TNIK: variants seen among roughly 807,000 people sequenced by gnomAD.
TNIK encodes TRAF2 and NCK-interacting protein kinase.
A neutral mutation model predicts 191.3 loss-of-function variants in TNIK; 49 were observed. The observed-to-expected ratio is 0.26, with a 90% confidence interval of 0.20 to 0.32. The LOEUF is 0.32. Among genes scored for constraint, TNIK ranks in the 10% least tolerant of loss-of-function variants. The probability of loss-of-function intolerance (pLI) is 1.00; values close to 1 mark genes in which losing one functional copy is unlikely to be tolerated. For missense variants in TNIK, 1,155 were observed against 1,702.3 expected (o/e 0.68, Z 5.66); for synonymous variants, 594 against 600.9 (o/e 0.99, Z 0.17).
rs760162194 is a variant in TNIK, at chr3:171,085,155, A to C, written c.2961T>G (p.Thr987=). 3.3e-5 allele frequency: 53 copies of C among 1,611,758 alleles called. No homozygotes were observed. The East Asian group carries it at 1.2e-3, about 35-fold the overall frequency. Residue 987 remains threonine, a synonymous_variant, in exon 25 of 33, where the codon ACT becomes ACG. Transcript: ENST00000436636. ...ATTCCTCATCCTCTTCATCTTCATC[A>C]GTGGGAGACGTCTGGTATACTCTGG... ...VDPRVYQTSP[T]DEDEEDEESS...
intron 2 of TNIK, among the ~76,000 whole-genome samples, chr3:171,368,621 C>T (rs1003117447): frequency 3.0e-4 from 45 of 152,064 alleles, no homozygotes; most frequent in Non-Finnish European, 5.3e-4. Context: ...AATGTGTATC[C>T]ACTTAGAATC....
At chr3:171,326,054 A>G (rs1460904549) in intron 2 of TNIK, among the ~76,000 whole-genome samples, 1 of 152,166 alleles carries the variant, frequency 6.6e-6, no homozygotes, top group Non-Finnish European at 1.5e-5. Context: ...CTAAGACAGC[A>G]TGTTATGTGG....
At chr3:171,219,310 A>C (rs932898231) in intron 3 of TNIK, among the ~76,000 whole-genome samples, 5 of 145,444 alleles carry the variant, frequency 3.4e-5, no homozygotes, top group African/African-American at 1.3e-4. Context: ...TTATATATAT[A>C]ATGATGTGTA....
intron 12 of TNIK, among the ~76,000 whole-genome samples, chr3:171,141,014 T>TA (rs1388722811): frequency 1.3e-5 from 2 of 152,240 alleles, no homozygotes; most frequent in Non-Finnish European, 2.9e-5. Context: ...GACTCCCACC[T>TA]AGTCTGCTAC....
At chr3:171,450,659 A>T (rs9827645) in intron 1 of TNIK, among the ~76,000 whole-genome samples, 19,622 of 152,246 alleles carry the variant, frequency 0.13, 1,932 homozygotes, top group African/African-American at 0.28. Context: ...TTTAGCCTTA[A>T]CATGGTTTTA....
Position 171,322,840 on chromosome 3 carries a change from T to G in TNIK, c.123+46780A>C, listed in dbSNP as rs1185666063. Among the ~76,000 whole-genome samples, 5 of 6,446 alleles carry G rather than the reference T, an allele frequency of 7.8e-4. No individual in the cohort carries two copies. The African/African-American group carries it at 7.8e-3, about 10-fold the overall frequency. The allele number at this position is 6,446 out of a possible 152,430, so 4.2% of individuals were successfully genotyped here. ...TTGTTATTATTGTTGTTTTCTTTTCTTTTTTTTTTTTTTTTTAAGTGCAAG... is the reference window on the plus strand; with the variant it reads ...TTGTTATTATTGTTGTTTTCTTTTCGTTTTTTTTTTTTTTTTAAGTGCAAG... On this transcript the variant is annotated intron_variant, in intron 2 of 32. Transcript: ENST00000436636.
chr3:171,093,841 C>G lies in TNIK; in HGVS notation c.2719G>C (p.Glu907Gln). Reference protein sequence around the residue: ...ISREGTLMIRETSGEKKRSGH... With the variant: ...ISREGTLMIRQTSGEKKRSGH... ...ACACAGTTTTTATACCAACTTACCT[C>G]TCTAATCATCAAGGTTCCTTCTCTT... is the stretch of plus-strand genomic sequence containing the variant. Residue 907 changes from glutamate to glutamine, a missense_variant and splice_region_variant, in exon 23 of 33, where the codon GAG becomes CAG. Physicochemically the swap from Glu to Gln is conservative, Grantham distance 29 (BLOSUM62 2). Transcript: ENST00000436636. The G allele has an allele frequency of 6.2e-7, 1 of 1,613,572 alleles. No homozygotes were observed. The highest frequency in any genetic ancestry group is 1.1e-5 in the South Asian group (1 of 91,042).
At chr3:171,111,691 T>C (rs1426034678) in intron 18 of TNIK, among the ~76,000 whole-genome samples, 1 of 152,188 alleles carries the variant, frequency 6.6e-6, no homozygotes, top group Non-Finnish European at 1.5e-5. Flanking sequence ...AATCAGTACA[T>C]TGAAGAGGTA....
At chr3:171,217,626 A>G (rs972017016) in intron 3 of TNIK, among the ~76,000 whole-genome samples, 2 of 152,326 alleles carry the variant, frequency 1.3e-5, no homozygotes, top group Non-Finnish European at 2.9e-5. Flanking sequence ...GTAAATGTCA[A>G]TAATATAATC....
At chr3:171,298,679 G>C (rs1040057827) in intron 2 of TNIK, among the ~76,000 whole-genome samples, 1 of 151,574 alleles carries the variant, frequency 6.6e-6, no homozygotes, top group African/African-American at 2.4e-5. Context: ...CTGAATGACT[G>C]TGTGGAATAC....
chr3:171,425,304 G>A (rs531653911), intron 1 of TNIK, among the ~76,000 whole-genome samples: 56 of 152,168 alleles, frequency 3.7e-4, no homozygotes, highest in Admixed American at 7.2e-4. Flanking sequence ...AGTAACATTA[G>A]TTCACAGCAA....
At chr3:171,175,534 T>G (rs1160096439) in intron 8 of TNIK, among the ~76,000 whole-genome samples, 6 of 152,176 alleles carry the variant, frequency 3.9e-5, no homozygotes, top group Non-Finnish European at 8.8e-5. Flanking sequence ...TACAACATGG[T>G]TCACATAGCT....
chr3:171,404,251 C>T (rs1255140003), intron 1 of TNIK, among the ~76,000 whole-genome samples: 3 of 152,140 alleles, frequency 2.0e-5, no homozygotes, highest in Non-Finnish European at 2.9e-5. Flanking sequence ...AGCCACTGTC[C>T]ACCAAATGTC....
chr3:171,123,404 T>C (rs191024931), intron 18 of TNIK, among the ~76,000 whole-genome samples, 192 bp downstream of exon 18: 1 of 152,378 alleles, frequency 6.6e-6, no homozygotes, highest in East Asian at 1.9e-4. Flanking sequence ...AGCCCCCCAC[T>C]GAATACTGAT....
rs975212413 is a variant in TNIK at position 171,333,418 on chromosome 3, G to A, written c.123+36202C>T. On this transcript the variant is annotated intron_variant, in intron 2 of 32. Coordinates refer to ENST00000436636, the MANE Select transcript of TNIK (RefSeq NM_015028.4). ...TAAAAAGTACAAAAATTAGCCGGAC[G>A]TGGTGGCAGCCACCTGTAATCCCAG... 2.6e-5 allele frequency among the ~76,000 whole-genome samples: 4 copies of A among 151,836 alleles called. No individual in the cohort carries two copies. The East Asian group carries it at 7.8e-4, about 29-fold the overall frequency.
At chr3:171,302,299 G>A (rs1752970643) in intron 2 of TNIK, among the ~76,000 whole-genome samples, 1 of 151,928 alleles carries the variant, frequency 6.6e-6, no homozygotes, top group Non-Finnish European at 1.5e-5. Flanking sequence ...AGTTTGGAAT[G>A]GATCAAGACA....
At chr3:171,298,859 A>G (rs1752596331) in intron 2 of TNIK, among the ~76,000 whole-genome samples, 1 of 152,226 alleles carries the variant, frequency 6.6e-6, no homozygotes, top group Admixed American at 6.5e-5. Context: ...CAGCTTCACA[A>G]AACTCTGGAT....
intron 2 of TNIK, among the ~76,000 whole-genome samples, chr3:171,245,122 G>A (rs1180400798): frequency 2.6e-5 from 4 of 152,160 alleles, no homozygotes; most frequent in East Asian, 1.9e-4. Flanking sequence ...TAGTTCAGAC[G>A]TGTTGTACTT....
At chr3:171,221,191 T>G (rs762913015) in intron 3 of TNIK, among the ~76,000 whole-genome samples, 14 of 152,214 alleles carry the variant, frequency 9.2e-5, no homozygotes, top group Non-Finnish European at 1.3e-4. Flanking sequence ...CTTTTCTCTG[T>G]TGAAAGTTTT....
Sources: allele counts gnomAD v4.1 joint callset (sites outside exome capture counted in the v4.1 genomes callset), GRCh38; gene constraint gnomAD v4.1.1; transcripts MANE v1.5; gene names NCBI Gene and HGNC (gene_info 2026-07-23, HGNC 2026-07-21).